Variants in TTC23 observed in about 807,000 individuals in gnomAD.
The protein encoded by TTC23 is tetratricopeptide repeat protein 23.
A neutral mutation model predicts 55.1 loss-of-function variants in TTC23; 58 were observed. The observed-to-expected ratio is 1.05, with a 90% CI of 0.85 to 1.31. The LOEUF (loss-of-function observed/expected upper bound fraction) is 1.31. Ranked by LOEUF, TTC23 falls within the 50% of genes most tolerant of loss-of-function variation. The probability of loss-of-function intolerance (pLI) is 0.00; values close to 1 mark genes in which losing one functional copy is unlikely to be tolerated. For synonymous variants in TTC23, 203 were observed against 199.9 expected (o/e 1.02, Z -0.13); for missense variants, 516 against 534.4 (o/e 0.97, Z 0.34).
At chr15:99,171,074 C>G (rs2072861239) in intron 10 of TTC23, among the ~76,000 whole-genome samples, 1 of 152,214 alleles carries the variant, frequency 6.6e-6, no homozygotes, top group African/African-American at 2.4e-5. Flanking sequence ...GTTTGTGCTC[C>G]TTTTTGCACC....
At chr15:99,226,680 C>T (rs116053748) in intron 5 of TTC23, among the ~76,000 whole-genome samples, 1,925 of 152,210 alleles carry the variant, frequency 0.013, 36 homozygotes, top group African/African-American at 0.043. Context: ...TGTGCCTACC[C>T]TGTAGATTTA....
intron 3 of TTC23, 73 bp from the exon 4 acceptor site, chr15:99,235,153 C>G (rs1201291755): frequency 1.3e-5 from 2 of 152,038 alleles, no homozygotes; most frequent in Admixed American, 6.6e-5. Context: ...GAGGCTGAAG[C>G]AGGAGGATGG....
At chr15:99,175,301 G>A (rs1002650641) in intron 9 of TTC23, 146 bp from the exon 10 acceptor site, 24 of 667,512 alleles carry the variant, frequency 3.6e-5, no homozygotes, top group East Asian at 1.1e-4. Context: ...AAATCAACTC[G>A]CAGGAAAGCT....
intron 9 of TTC23, among the ~76,000 whole-genome samples, chr15:99,180,618 C>T (rs566861794): frequency 6.6e-6 from 1 of 152,318 alleles, no homozygotes; most frequent in Admixed American, 6.5e-5. Context: ...TTTCTGCAGG[C>T]AGACCCCATC....
chr15:99,146,805 A>C, intron 12 of TTC23, among the ~76,000 whole-genome samples: 1 of 152,262 alleles, frequency 6.6e-6, no homozygotes, highest in East Asian at 1.9e-4. Context: ...GGCGGGCCCA[A>C]CCTCAGGAGG....
chr15:99,155,458 A>T (rs1158024276), intron 12 of TTC23: 4 of 152,232 alleles, frequency 2.6e-5, no homozygotes, highest in Non-Finnish European at 5.9e-5. Context: ...TCATGTAGAA[A>T]AATAAACACG....
At chr15:99,174,762 C>T (rs2073346564) in intron 10 of TTC23, among the ~76,000 whole-genome samples, 1 of 137,930 alleles carries the variant, frequency 7.3e-6, no homozygotes, top group South Asian at 2.4e-4. Flanking sequence ...AGCAGATTTA[C>T]CGTAAGCCCA....
chr15:99,159,029 T>C (rs575924715), intron 11 of TTC23: 2 of 152,472 alleles, frequency 1.3e-5, no homozygotes, highest in South Asian at 2.1e-4. Context: ...CTTTTTCTAT[T>C]ATGATAAGGG....
chr15:99,235,450 A>T (rs1287360144), intron 3 of TTC23, among the ~76,000 whole-genome samples: 4 of 150,474 alleles, frequency 2.7e-5, no homozygotes, highest in Admixed American at 2.7e-4. Flanking sequence ...GGCTCACTGC[A>T]ATCTCTGCCT....
At chr15:99,174,543 T>A (rs779240432) in intron 10 of TTC23, among the ~76,000 whole-genome samples, 6 of 151,878 alleles carry the variant, frequency 4.0e-5, no homozygotes, top group Non-Finnish European at 5.9e-5. Flanking sequence ...GATTAAATAA[T>A]TCCTGAAGCT....
chr15:99,207,551 G>C (rs1477180477), intron 8 of TTC23, among the ~76,000 whole-genome samples: 5 of 152,186 alleles, frequency 3.3e-5, no homozygotes, highest in African/African-American at 1.2e-4. Flanking sequence ...CTTGAGGTCA[G>C]GAGTTCAAGA....
chr15:99,223,492 T>C (rs543450429), intron 5 of TTC23, among the ~76,000 whole-genome samples: 7 of 152,194 alleles, frequency 4.6e-5, no homozygotes, highest in African/African-American at 1.4e-4. Context: ...AGAGAGGGCT[T>C]TAGAATGAAA....
At chr15:99,139,890 C>T (rs1381674801) in intron 12 of TTC23, 12 of 556,238 alleles carry the variant, frequency 2.2e-5, no homozygotes, top group Admixed American at 3.6e-5. Context: ...CTACCCAGGG[C>T]TGGCTTTGGC....
Position 99,232,685 on chromosome 15 carries a change from C to T in TTC23, c.-21+2303G>A, listed in dbSNP as rs540710432. On this transcript the variant is annotated intron_variant, in intron 4 of 13. Coordinates refer to ENST00000394132, the MANE Select transcript of TTC23 (RefSeq NM_001288615.3). Reference sequence around the variant, plus strand: ...GTGAAGATGTGGAGAAAAGGGAATCCTTGCACATTGTTGGTGGGAATGTAA... The same window carrying T: ...GTGAAGATGTGGAGAAAAGGGAATCTTTGCACATTGTTGGTGGGAATGTAA... Among the ~76,000 whole-genome samples the T allele has an allele frequency of 1.3e-3, 201 of 152,018 alleles. 1 individual carries two copies. Among genetic ancestry groups the T allele is most frequent in the Non-Finnish European group, 1.9e-3 (130 of 67,938 alleles).
intron 3 of TTC23, among the ~76,000 whole-genome samples, chr15:99,235,986 T>C (rs2079289479): frequency 6.6e-6 from 1 of 152,244 alleles, no homozygotes; most frequent in South Asian, 2.1e-4. Context: ...AGAATTTCCT[T>C]TCTTTTTAAG....
intron 12 of TTC23, among the ~76,000 whole-genome samples, chr15:99,153,641 A>G (rs972441535): frequency 2.0e-5 from 3 of 152,256 alleles, no homozygotes; most frequent in East Asian, 1.9e-4. Flanking sequence ...AGAAAATTTC[A>G]TATTCATAAA....
Position 99,156,166 on chromosome 15 carries a change from G to C in TTC23, c.1125C>G (p.Ala375=). The change falls in exon 12 of 14, where the codon GCC becomes GCG. Residue 375 remains alanine (A), a synonymous_variant. Coordinates refer to ENST00000394132, the MANE Select transcript of TTC23 (RefSeq NM_001288615.3). ...ADLAQGNHSG[A]RKKLKKCLQI... ...GCTTTACCTTCTTCAGTTTCTTGCGGGCCCCACTGTGGTTCCCCTGCGCCA... is the reference window on the plus strand; with the variant it reads ...GCTTTACCTTCTTCAGTTTCTTGCGCGCCCCACTGTGGTTCCCCTGCGCCA... The C allele has an allele frequency of 1.2e-6, 2 of 1,614,158 alleles. No homozygotes were observed. The highest frequency in any genetic ancestry group is 2.7e-5 in the African/African-American group (2 of 75,026).
chr15:99,204,035 G>A (rs751843066), intron 8 of TTC23, among the ~76,000 whole-genome samples: 1 of 152,054 alleles, frequency 6.6e-6, no homozygotes, highest in Non-Finnish European at 1.5e-5. Context: ...TGGATCATAT[G>A]GTAGTTTTAT....
intron 8 of TTC23, among the ~76,000 whole-genome samples, chr15:99,204,626 T>C (rs2076452999): frequency 7.4e-6 from 1 of 134,670 alleles, no homozygotes. Flanking sequence ...CAGTCTTAGA[T>C]TTAAGGTTTT....
Sources: gnomAD v4.1 joint callset for allele counts (sites outside exome capture counted in the v4.1 genomes callset) on GRCh38, gnomAD v4.1.1 for gene constraint, MANE v1.5 for transcripts, NCBI Gene and HGNC (gene_info 2026-07-23, HGNC 2026-07-21) for gene names.